The following NCOR1 variants were observed in gnomAD, a reference collection of about 807,000 sequenced individuals.
The protein encoded by NCOR1 is nuclear receptor corepressor 1, also known as protein phosphatase 1, regulatory subunit 109.
Under a neutral mutation model 288.1 loss-of-function variants are expected in NCOR1, and 63 were observed. The observed-to-expected ratio is 0.22, with a 90% CI of 0.18 to 0.27. The LOEUF is 0.27. Ranked by LOEUF, NCOR1 falls within the 10% of genes least tolerant of loss-of-function variation. The pLI is 1.00. For missense variants in NCOR1, 2,397 were observed against 3,019.2 expected, an observed-to-expected ratio of 0.79 and a Z score of 4.83; for synonymous variants, 1,007 against 1,065.9, an observed-to-expected ratio of 0.94 and a Z score of 1.08.
intron 13 of NCOR1, 73 bp downstream of exon 13, chr17:16,138,085 G>T: frequency 1.6e-6 from 2 of 1,265,974 alleles, no homozygotes; most frequent in Non-Finnish European, 2.3e-6. Context: ...ACTTATATGT[G>T]TCAGAGCACA....
intron 44 of NCOR1, among the ~76,000 whole-genome samples, chr17:16,036,098 TTAAA>T (rs1467771318): frequency 6.6e-6 from 1 of 152,254 alleles, no homozygotes. Flanking sequence ...AATGTATTTC[TTAAA>T]TAATAAGACT....
In NCOR1 at chr17:16,098,445, T is replaced by C. The variant is rs886815243; in HGVS notation, c.2742A>G (p.Ile914Met). ...KPSLLNPTGS[I>M]LVSSPLKPNP... ...TTGGTTTTAACGGAGATGAGACGAG[T>C]ATAGATCCAGTGGGGTTTAACAGTG... Residue 914 changes from isoleucine (I) to methionine (M), a missense_variant, in exon 21 of 46, where the codon ATA (isoleucine) becomes ATG (methionine). Transcript: ENST00000268712. 1 of 1,613,850 alleles carries C rather than the reference T, an allele frequency of 6.2e-7. No homozygotes were observed. The highest frequency in any genetic ancestry group is 8.5e-7 in the Non-Finnish European group (1 of 1,179,810).
chr17:16,121,027 G>C, intron 16 of NCOR1, 25 bp downstream of exon 16: 1 of 1,601,382 alleles, frequency 6.2e-7, no homozygotes, highest in Non-Finnish European at 8.5e-7. Flanking sequence ...ATTATGGCCT[G>C]TTTATGCCAA....
At chr17:16,150,866 GA>G (rs2078735086) in intron 8 of NCOR1, among the ~76,000 whole-genome samples, 1 of 152,054 alleles carries the variant, frequency 6.6e-6, no homozygotes. Flanking sequence ...GCATCTCACA[GA>G]AAAATTGACA....
chr17:16,101,953 T>A (rs2067697252), intron 19 of NCOR1, 196 bp from the exon 20 acceptor site: 1 of 681,598 alleles, frequency 1.5e-6, no homozygotes, highest in African/African-American at 1.8e-5. Context: ...AAGGCTAAAG[T>A]TTCCTACAGA....
chr17:16,127,310 C>CGTGTATAT (rs1568195888), intron 14 of NCOR1, among the ~76,000 whole-genome samples: 1 of 42,698 alleles, frequency 2.3e-5, no homozygotes, highest in East Asian at 3.0e-4. Context: ...TGTATATATA[C>CGTGTATAT]ATGTATGTAT....
At chr17:16,108,350 T>G (rs904224665) in intron 19 of NCOR1, 7 of 214,248 alleles carry the variant, frequency 3.3e-5, no homozygotes, top group East Asian at 1.2e-4. Context: ...AAGTTTCGTG[T>G]TTTTTTTTTC....
intron 3 of NCOR1, among the ~76,000 whole-genome samples, chr17:16,174,939 C>T (rs2083819189): frequency 6.6e-6 from 1 of 151,464 alleles, no homozygotes; most frequent in South Asian, 2.1e-4. Context: ...AAAACTTGTA[C>T]ACGAATATTC....
chr17:16,073,601 C>A (rs201847462), intron 27 of NCOR1, 32 bp from the exon 28 acceptor site: 1 of 1,554,732 alleles, frequency 6.4e-7, no homozygotes, highest in Non-Finnish European at 8.7e-7. Context: ...CTTGCTCAGA[C>A]GGAGCACATG....
At chr17:16,047,839 A>G (rs1270750651) in intron 41 of NCOR1, among the ~76,000 whole-genome samples, 1 of 152,230 alleles carries the variant, frequency 6.6e-6, no homozygotes, top group Admixed American at 6.5e-5. Context: ...CACGTACTCT[A>G]TGCCAGGAAA....
At chr17:16,179,804 A>G (rs1368024306) in intron 3 of NCOR1, among the ~76,000 whole-genome samples, 1 of 152,152 alleles carries the variant, frequency 6.6e-6, no homozygotes, top group Admixed American at 6.5e-5. Context: ...TCACGAGGTC[A>G]GGAGATCGAG....
chr17:16,208,805 C>T (rs2091846102), intron 1 of NCOR1, among the ~76,000 whole-genome samples: 1 of 152,098 alleles, frequency 6.6e-6, no homozygotes, highest in East Asian at 1.9e-4. Context: ...CACTACACTC[C>T]AGCCTGAAGC....
intron 18 of NCOR1, among the ~76,000 whole-genome samples, chr17:16,113,800 G>A (rs1198727922): frequency 6.6e-6 from 1 of 152,070 alleles, no homozygotes; most frequent in Non-Finnish European, 1.5e-5. Flanking sequence ...GGCTGAGGCA[G>A]GAGAATTGCT....
intron 20 of NCOR1, among the ~76,000 whole-genome samples, chr17:16,099,407 A>G (rs547600308): frequency 6.6e-6 from 1 of 152,374 alleles, no homozygotes; most frequent in African/African-American, 2.4e-5. Context: ...AAAACAATTC[A>G]CATACTATAT....
intron 21 of NCOR1, 95 bp from the exon 22 acceptor site, chr17:16,092,153 T>C (rs1277690621): frequency 1.4e-6 from 2 of 1,392,510 alleles, no homozygotes; most frequent in Admixed American, 1.9e-5. Flanking sequence ...GTCATGTTAT[T>C]GGTTGAATTG....
chr17:16,175,450 CCATCTTTAAA>C (rs1036344928), intron 3 of NCOR1, among the ~76,000 whole-genome samples: 3 of 151,842 alleles, frequency 2.0e-5, no homozygotes, highest in African/African-American at 7.3e-5. Flanking sequence ...TCTCGTAACA[CCATCTTTAAA>C]CATCTTTAAA....
At chr17:16,070,771 T>C (rs532664190) in intron 30 of NCOR1, among the ~76,000 whole-genome samples, 1 of 152,338 alleles carries the variant, frequency 6.6e-6, no homozygotes, top group East Asian at 1.9e-4. Context: ...GGTTCACACC[T>C]GTAATCCCAG....
At chr17:16,215,290 C>T (rs2092458699) in intron 1 of NCOR1, 72 bp downstream of exon 1, 1 of 389,592 alleles carries the variant, frequency 2.6e-6, no homozygotes, top group East Asian at 3.6e-5. Context: ...GCTGCTGCCC[C>T]GGGAGCCCTC....
chr17:16,096,213 T>C (rs993896854), intron 21 of NCOR1, among the ~76,000 whole-genome samples: 14 of 152,186 alleles, frequency 9.2e-5, no homozygotes, highest in Non-Finnish European at 1.5e-4. Context: ...GAGACCTTTG[T>C]TCACTTGTTT....
Sources: allele counts gnomAD v4.1 joint callset (sites outside exome capture counted in the v4.1 genomes callset), GRCh38; gene constraint gnomAD v4.1.1; transcripts MANE v1.5; gene names NCBI Gene and HGNC (gene_info 2026-07-23, HGNC 2026-07-21).